The following CACNB2 variants were observed in gnomAD, a reference collection of about 807,000 sequenced individuals.
CACNB2 encodes voltage-dependent L-type calcium channel subunit beta-2.
CACNB2 carries 42 observed loss-of-function variants against 73.3 expected under a neutral mutation model. The observed-to-expected ratio is 0.57, with a 90% CI of 0.45 to 0.74. CACNB2 has a LOEUF of 0.74. CACNB2 is among the 30% of genes least tolerant of loss of function. The pLI, the probability that CACNB2 is intolerant of heterozygous loss-of-function variation, is 0.00. For synonymous variants in CACNB2, 348 were observed against 310.3 expected (o/e 1.12, Z -1.28); for missense variants, 940 against 853.0 (o/e 1.10, Z -1.27).
chr10:18,539,601 G>A lies in CACNB2; in HGVS notation c.1860G>A (p.Glu620=), dbSNP rs145886836. The change falls in exon 14 of 14, where the codon GAG becomes GAA. Residue 620 remains glutamate (E), a synonymous_variant. Transcript: ENST00000324631. The part of the protein sequence containing the change: ...RDVDREQDHN[E]CNKQRSRHKS... Reference sequence around the variant, plus strand: ...TGGATCGAGAGCAGGACCACAACGAGTGCAACAAGCAGCGCAGCCGTCATA... The same window carrying A: ...TGGATCGAGAGCAGGACCACAACGAATGCAACAAGCAGCGCAGCCGTCATA... The A allele has an allele frequency of 1.2e-6, 2 of 1,613,834 alleles. No individual in the cohort carries two copies. Among genetic ancestry groups the A allele is most frequent in the Non-Finnish European group, 1.7e-6 (2 of 1,179,908 alleles).
intron 3 of CACNB2, among the ~76,000 whole-genome samples, chr10:18,439,816 T>C (rs1423615458): frequency 2.0e-5 from 3 of 152,170 alleles, no homozygotes; most frequent in Admixed American, 1.3e-4. Flanking sequence ...TTCTGCCTAC[T>C]GCATGCCAGT....
rs574808197 is a variant in CACNB2, at chr10:18,506,661, T to C, written c.670+114T>C. 5.8e-5 allele frequency: 43 copies of C among 742,664 alleles called. 1 individual carries two copies. The South Asian group carries it at 6.1e-4, about 11-fold the overall frequency. 46.0% of individuals were successfully genotyped at this position (742,664 alleles called of 1,614,324 possible). On this transcript the variant is annotated intron_variant, in intron 6 of 13. Coordinates refer to ENST00000324631, the MANE Select transcript of CACNB2 (RefSeq NM_201596.3). ...AATCACTATGTTAACCCTACAGATGTTAAAAGGAATCAGAAGTGAGCATGC... is the reference window on the plus strand; with the variant it reads ...AATCACTATGTTAACCCTACAGATGCTAAAAGGAATCAGAAGTGAGCATGC...
chr10:18,327,227 CA>C (rs2040620438), intron 2 of CACNB2, among the ~76,000 whole-genome samples: 1 of 152,094 alleles, frequency 6.6e-6, no homozygotes, highest in African/African-American at 2.4e-5. Flanking sequence ...AAAGTGACCA[CA>C]AAAGAGCATA....
At chr10:18,337,745 G>C (rs2041064754) in intron 2 of CACNB2, among the ~76,000 whole-genome samples, 1 of 151,870 alleles carries the variant, frequency 6.6e-6, no homozygotes, top group Non-Finnish European at 1.5e-5. Context: ...TTTTTTACAT[G>C]TTTTACCACC....
chr10:18,176,294 G>A (rs1564318402), intron 2 of CACNB2, among the ~76,000 whole-genome samples: 1 of 152,144 alleles, frequency 6.6e-6, no homozygotes, highest in East Asian at 1.9e-4. Flanking sequence ...ATGAAAGAGA[G>A]ACAGTCTCTG....
chr10:18,521,304 A>C (rs979830740), intron 9 of CACNB2, among the ~76,000 whole-genome samples: 1 of 152,362 alleles, frequency 6.6e-6, no homozygotes. Context: ...AATGGTGCCT[A>C]ACGTTTGACC....
intron 3 of CACNB2, among the ~76,000 whole-genome samples, chr10:18,489,205 C>T (rs59027704): frequency 0.14 from 21,417 of 151,514 alleles, 1,895 homozygotes; most frequent in East Asian, 0.48. Flanking sequence ...GGTGACAGAG[C>T]GAGACTCTGT....
At chr10:18,235,689 G>C (rs2036414491) in intron 2 of CACNB2, among the ~76,000 whole-genome samples, 1 of 152,168 alleles carries the variant, frequency 6.6e-6, no homozygotes, top group Non-Finnish European at 1.5e-5. Context: ...GGAGCAAACT[G>C]ACTGGTCTTG....
At chr10:18,353,267 G>C (rs566666176) in intron 2 of CACNB2, among the ~76,000 whole-genome samples, 1 of 151,992 alleles carries the variant, frequency 6.6e-6, no homozygotes, top group Admixed American at 6.6e-5. Flanking sequence ...AAAATTAGCC[G>C]GGCACAGTGG....
rs191321320 is a variant in CACNB2, at chr10:18,432,892, G to T, written c.333+30849G>T. Among the ~76,000 whole-genome samples, 200 of 152,144 alleles carry T rather than the reference G, an allele frequency of 1.3e-3. 4 individuals are homozygous for T. Among genetic ancestry groups the T allele is most frequent in the Admixed American group, 0.011 (174 of 15,274 alleles). ...AAACTGTAGTAAAAAGAAATTCATT[G>T]ATGTTGTATTTCAAAGCAATAGGAA... On this transcript the variant is annotated intron_variant, in intron 3 of 13. Coordinates refer to ENST00000324631, the MANE Select transcript of CACNB2 (RefSeq NM_201596.3).
chr10:18,346,697 A>G (rs572670460), intron 2 of CACNB2, among the ~76,000 whole-genome samples: 1 of 151,884 alleles, frequency 6.6e-6, no homozygotes, highest in Non-Finnish European at 1.5e-5. Context: ...CCCAGGCTCA[A>G]GCCATCATCC....
At chr10:18,522,478 T>G (rs1293438494) in intron 9 of CACNB2, among the ~76,000 whole-genome samples, 1 of 152,150 alleles carries the variant, frequency 6.6e-6, no homozygotes, top group African/African-American at 2.4e-5. Flanking sequence ...TAGTACTTTC[T>G]TTCTAGACCA....
intron 2 of CACNB2, among the ~76,000 whole-genome samples, chr10:18,274,311 A>G: frequency 6.6e-6 from 1 of 152,228 alleles, no homozygotes; most frequent in East Asian, 1.9e-4. Context: ...GTAAGTAACT[A>G]TCAGCACCCC....
chr10:18,272,507 C>G (rs1172714483), intron 2 of CACNB2, among the ~76,000 whole-genome samples: 1 of 152,206 alleles, frequency 6.6e-6, no homozygotes, highest in Non-Finnish European at 1.5e-5. Context: ...AGCAATGCTG[C>G]TGATATGGTT....
In CACNB2 at chr10:18,504,603, T is replaced by G. The variant is rs575967572; in HGVS notation, c.594-1868T>G. 3.9e-5 allele frequency among the ~76,000 whole-genome samples: 6 copies of G among 152,274 alleles called. 1 individual carries two copies. In the South Asian group the frequency reaches 1.2e-3, roughly 32 times the overall value. ...TTTGCCTAAGTATGTGAAAATACTT[T>G]TACTTGCTTTCATAGGTTTTTACAT... On this transcript the variant is annotated intron_variant, in intron 5 of 13. Coordinates refer to ENST00000324631, the MANE Select transcript of CACNB2 (RefSeq NM_201596.3).
At chr10:18,405,453 CTG>C (rs1041418332) in intron 3 of CACNB2, among the ~76,000 whole-genome samples, 1 of 152,116 alleles carries the variant, frequency 6.6e-6, no homozygotes, top group African/African-American at 2.4e-5. Flanking sequence ...ACGAACATTC[CTG>C]TATATATTTT....
intron 2 of CACNB2, among the ~76,000 whole-genome samples, chr10:18,246,247 A>G (rs1379477182): frequency 2.0e-5 from 3 of 152,150 alleles, no homozygotes; most frequent in Non-Finnish European, 4.4e-5. Flanking sequence ...GTACAAAAAT[A>G]TTATCTTGAA....
chr10:18,307,355 G>A (rs1169798809), intron 2 of CACNB2, among the ~76,000 whole-genome samples: 5 of 152,210 alleles, frequency 3.3e-5, no homozygotes, highest in East Asian at 1.9e-4. Context: ...CCAGCTACTC[G>A]GGAGGCTGAG....
intron 2 of CACNB2, among the ~76,000 whole-genome samples, chr10:18,181,072 A>T (rs1218324868): frequency 6.6e-6 from 1 of 151,538 alleles, no homozygotes; most frequent in Non-Finnish European, 1.5e-5. Context: ...ATAGAAAAAA[A>T]AAAAAAAAAA....
Sources: gnomAD v4.1 joint callset for allele counts (sites outside exome capture counted in the v4.1 genomes callset) on GRCh38, gnomAD v4.1.1 for gene constraint, MANE v1.5 for transcripts, NCBI Gene and HGNC (gene_info 2026-07-23, HGNC 2026-07-21) for gene names.